The following TMEM132B variants were observed in gnomAD, a reference collection of about 807,000 sequenced individuals.
TMEM132B encodes the protein transmembrane protein 132B.
Under a neutral mutation model 90.8 loss-of-function variants are expected in TMEM132B, and 18 were observed. The ratio of observed to expected loss-of-function variants is 0.20; its 90% confidence interval spans 0.14 to 0.29. The LOEUF (loss-of-function observed/expected upper bound fraction) is 0.29. Ranked by LOEUF, TMEM132B falls within the 10% of genes least tolerant of loss-of-function variation. TMEM132B has a pLI of 1.00. For missense variants in TMEM132B, 1,096 were observed against 1,326.8 expected (o/e 0.83, Z 2.70); for synonymous variants, 504 against 523.3 (o/e 0.96, Z 0.50).
chr12:125,429,116 C>T (rs1384256343), intron 3 of TMEM132B, among the ~76,000 whole-genome samples: 1 of 152,096 alleles, frequency 6.6e-6, no homozygotes, highest in Non-Finnish European at 1.5e-5. Context: ...ATATTTGTTA[C>T]AATTAATGAA....
At chr12:125,576,347 T>C (rs1884940495) in intron 4 of TMEM132B, among the ~76,000 whole-genome samples, 1 of 152,030 alleles carries the variant, frequency 6.6e-6, no homozygotes, top group Non-Finnish European at 1.5e-5. Context: ...ACTCCTTTAT[T>C]AGCTTTAATG....
intron 4 of TMEM132B, among the ~76,000 whole-genome samples, chr12:125,531,148 T>C (rs1883635958): frequency 6.6e-6 from 1 of 152,196 alleles, no homozygotes; most frequent in Non-Finnish European, 1.5e-5. Flanking sequence ...TGTCTTTGAA[T>C]GTTATTTTAT....
chr12:125,485,256 G>C (rs1427076368), intron 3 of TMEM132B, among the ~76,000 whole-genome samples: 2 of 152,106 alleles, frequency 1.3e-5, no homozygotes, highest in Non-Finnish European at 2.9e-5. Context: ...TATTTTAACT[G>C]TATGTTCATA....
rs372006985 is a variant in TMEM132B, at chr12:125,653,552, T to C, written c.2107-13T>C. 8.2e-6 allele frequency: 13 copies of C among 1,593,150 alleles called. No homozygotes were observed. The highest frequency in any genetic ancestry group is 1.1e-5 in the Non-Finnish European group (13 of 1,166,116). On this transcript the variant is annotated splice_polypyrimidine_tract_variant and intron_variant, in intron 8 of 8. Coordinates refer to ENST00000682704, the MANE Select transcript of TMEM132B (RefSeq NM_001366854.1). ...CTGATTATAACATAATGCTTTGGTT[T>C]CATTTTCCTCAGGAAGCAATAGTAA...
At chr12:125,495,150 A>T (rs367889456) in intron 3 of TMEM132B, among the ~76,000 whole-genome samples, 1 of 11,618 alleles carries the variant, frequency 8.6e-5, no homozygotes, top group Non-Finnish European at 1.5e-4. Context: ...TCTTCCCCCT[A>T]CTCCCTGAAA....
intron 1 of TMEM132B, among the ~76,000 whole-genome samples, chr12:125,212,820 A>G (rs1873350279): frequency 6.6e-6 from 1 of 152,204 alleles, no homozygotes. Context: ...TAATGCCTCA[A>G]TATTTTTTTG....
intron 5 of TMEM132B, among the ~76,000 whole-genome samples, chr12:125,591,280 G>C (rs1885312175): frequency 6.6e-6 from 1 of 152,110 alleles, no homozygotes; most frequent in East Asian, 1.9e-4. Context: ...AGCTCTAGGG[G>C]AGAATCTGTT....
chr12:125,331,410 T>G (rs1241921553), intron 1 of TMEM132B, among the ~76,000 whole-genome samples: 1 of 152,226 alleles, frequency 6.6e-6, no homozygotes, highest in East Asian at 1.9e-4. Context: ...GGGGTCTGTG[T>G]GAAGGGGAGG....
chr12:125,539,960 C>G (rs1883910240), intron 4 of TMEM132B, among the ~76,000 whole-genome samples: 1 of 152,030 alleles, frequency 6.6e-6, no homozygotes, highest in Non-Finnish European at 1.5e-5. Flanking sequence ...TCTTTTCTCC[C>G]CTATAGACAT....
chr12:125,523,468 C>T (rs887788090), intron 4 of TMEM132B, among the ~76,000 whole-genome samples: 11 of 152,138 alleles, frequency 7.2e-5, no homozygotes, highest in Admixed American at 4.6e-4. Context: ...TGGGGCCCAC[C>T]GAGATAATTC....
At chr12:125,340,645 C>T (rs902701659) in intron 1 of TMEM132B, among the ~76,000 whole-genome samples, 5 of 152,226 alleles carry the variant, frequency 3.3e-5, no homozygotes, top group Non-Finnish European at 7.3e-5. Flanking sequence ...CTCAAGTGCT[C>T]TGCCACCTGA....
In TMEM132B at chr12:125,498,558, C is replaced by G. The variant is rs1174896311; in HGVS notation, c.1107-20881C>G. Among the ~76,000 whole-genome samples the G allele has an allele frequency of 6.6e-6, 1 of 152,216 alleles. No homozygotes were observed. Among genetic ancestry groups the G allele is most frequent in the Non-Finnish European group, 1.5e-5 (1 of 68,042 alleles). The stretch of plus-strand genomic sequence containing the variant: ...GGACATTGCAGTCCATGTGCCACGT[C>G]TTGTTAGCCTGTGTTTTATAAACCA... On this transcript the variant is annotated intron_variant, in intron 3 of 8. Coordinates refer to ENST00000682704, the MANE Select transcript of TMEM132B (RefSeq NM_001366854.1). The surrounding 1 kb of genome is among the most constrained non-coding windows in gnomAD (Gnocchi z 4.5).
intron 1 of TMEM132B, among the ~76,000 whole-genome samples, chr12:125,236,152 T>G (rs1026181682): frequency 6.6e-5 from 6 of 90,670 alleles, no homozygotes; most frequent in Admixed American, 1.2e-4. Flanking sequence ...TTGTTTGTTT[T>G]TTTGTTTTTT....
chr12:125,314,253 A>G (rs947004199), intron 1 of TMEM132B, among the ~76,000 whole-genome samples: 3 of 152,146 alleles, frequency 2.0e-5, no homozygotes, highest in African/African-American at 4.8e-5. Flanking sequence ...GGCGTCTGGA[A>G]ACAGTAACGA....
At chr12:125,481,990 C>G (rs1267062020) in intron 3 of TMEM132B, among the ~76,000 whole-genome samples, 1 of 152,228 alleles carries the variant, frequency 6.6e-6, no homozygotes, top group Non-Finnish European at 1.5e-5. Flanking sequence ...CTGACAAAAA[C>G]AAGCAACAGG....
chr12:125,342,991 A>T (rs1479672240), intron 1 of TMEM132B, among the ~76,000 whole-genome samples: 1 of 151,968 alleles, frequency 6.6e-6, no homozygotes, highest in Non-Finnish European at 1.5e-5. Context: ...TTCTTTTTTG[A>T]TTCTATAATG....
intron 5 of TMEM132B, among the ~76,000 whole-genome samples, chr12:125,631,542 G>A (rs1298600762): frequency 1.3e-5 from 2 of 152,036 alleles, no homozygotes; most frequent in Admixed American, 1.3e-4. Context: ...CTGTTTCTTT[G>A]TTGATTTTCT....
intron 1 of TMEM132B, among the ~76,000 whole-genome samples, chr12:125,206,279 C>T (rs1008717632): frequency 2.6e-4 from 39 of 152,182 alleles, no homozygotes; most frequent in Admixed American, 1.0e-3. Flanking sequence ...CACTATGTAG[C>T]GCAGGCTGGA....
At chr12:125,223,224 T>C (rs1873600679) in intron 1 of TMEM132B, among the ~76,000 whole-genome samples, 1 of 152,196 alleles carries the variant, frequency 6.6e-6, no homozygotes, top group Admixed American at 6.5e-5. Context: ...CTTGAGGAAG[T>C]TGATGATGCC....
Sources: allele counts gnomAD v4.1 joint callset (sites outside exome capture counted in the v4.1 genomes callset), GRCh38; gene constraint gnomAD v4.1.1; non-coding constraint Gnocchi (gnomAD v3.1); transcripts MANE v1.5; gene names NCBI Gene and HGNC (gene_info 2026-07-23, HGNC 2026-07-21).